Variants in FSTL5 observed in about 807,000 individuals in gnomAD.
FSTL5 encodes the protein follistatin-related protein 5.
A neutral mutation model predicts 89.1 loss-of-function variants in FSTL5; 62 were observed. The ratio of observed to expected loss-of-function variants is 0.70; its 90% CI spans 0.57 to 0.86. FSTL5 has a LOEUF of 0.86. FSTL5 is among the 40% of genes least tolerant of loss of function. The pLI is 0.00. For missense variants in FSTL5, 1,057 were observed against 1,001.6 expected (o/e 1.06, Z -0.75); for synonymous variants, 383 against 346.2 (o/e 1.11, Z -1.18).
intron 11 of FSTL5, among the ~76,000 whole-genome samples, chr4:161,504,933 A>G (rs1351141212): frequency 1.3e-5 from 2 of 152,074 alleles, no homozygotes; most frequent in Non-Finnish European, 2.9e-5. Context: ...GTGCATCATA[A>G]AAAAGATTTT....
chr4:162,084,121 T>C (rs1730211703), intron 2 of FSTL5, among the ~76,000 whole-genome samples: 1 of 151,868 alleles, frequency 6.6e-6, no homozygotes, highest in Non-Finnish European at 1.5e-5. Flanking sequence ...TAAATAAAAT[T>C]GTAGCCCTTT....
intron 4 of FSTL5, among the ~76,000 whole-genome samples, chr4:161,899,331 C>T (rs1733276207): frequency 6.6e-6 from 1 of 152,174 alleles, no homozygotes; most frequent in South Asian, 2.1e-4. Context: ...AGGACACATT[C>T]ATAGGATATT....
At chr4:161,996,499 C>T (rs920400434) in intron 3 of FSTL5, among the ~76,000 whole-genome samples, 19 of 152,180 alleles carry the variant, frequency 1.2e-4, no homozygotes, top group Non-Finnish European at 2.2e-4. Context: ...TTTAGGCATC[C>T]GTATTTCTCA....
chr4:161,777,643 T>A (rs571321180), intron 4 of FSTL5, among the ~76,000 whole-genome samples: 1 of 152,192 alleles, frequency 6.6e-6, no homozygotes, highest in Non-Finnish European at 1.5e-5. Context: ...ATTTGCACTT[T>A]TTATTTTTAA....
chr4:162,067,204 C>A (rs978332180), intron 2 of FSTL5, among the ~76,000 whole-genome samples: 4 of 151,936 alleles, frequency 2.6e-5, no homozygotes, highest in African/African-American at 9.7e-5. Flanking sequence ...CAAGGCCATG[C>A]CCCCACACCC....
intron 7 of FSTL5, 152 bp downstream of exon 7, chr4:161,656,176 C>A (rs990686144): frequency 7.1e-6 from 3 of 424,984 alleles, no homozygotes; most frequent in Admixed American, 4.3e-5. Flanking sequence ...ACCTATAGTG[C>A]ACCTCTCATT....
At chr4:161,611,331 T>G (rs1734642385) in intron 7 of FSTL5, among the ~76,000 whole-genome samples, 1 of 149,494 alleles carries the variant, frequency 6.7e-6, no homozygotes, top group African/African-American at 2.4e-5. Flanking sequence ...GCCTGCAATT[T>G]TACATTAATT....
rs112238780 is a variant in FSTL5, at chr4:161,894,026, T to A, written c.409+26378A>T. 1.4e-3 allele frequency among the ~76,000 whole-genome samples: 220 copies of A among 152,328 alleles called. 1 individual carries two copies. The highest frequency in any genetic ancestry group is 4.3e-3 in the African/African-American group (180 of 41,584). On this transcript the variant is annotated intron_variant, in intron 4 of 15. Transcript: ENST00000306100. Reference sequence around the variant, plus strand: ...ACATAGGTATGGTTTTTATCCAATTTATATAGGTTGTTTTATAAAATGATC... The same window carrying A: ...ACATAGGTATGGTTTTTATCCAATTAATATAGGTTGTTTTATAAAATGATC...
chr4:161,385,865 T>C lies in FSTL5; in HGVS notation c.2426A>G (p.Tyr809Cys). 6.2e-7 allele frequency: 1 copy of C among 1,613,814 alleles called. No homozygotes were observed. Among genetic ancestry groups the C allele is most frequent in the Non-Finnish European group, 8.5e-7 (1 of 1,179,878 alleles). The change falls in exon 16 of 16, where the codon TAC (tyrosine) becomes TGC (cysteine). Residue 809 changes from tyrosine (Y) to cysteine (C), a missense_variant. Around this residue, in one of 3 missense-constraint regions of FSTL5, gnomAD observed 68 missense variants for 73.3 expected, o/e 0.93. Transcript: ENST00000306100. ...AGAGTCCTTGGAAGGTGTCATCAGG[T>C]ATTGACCAAACAAGCCACTGTCCTG... ...QIQDSGLFGQ[Y>C]LMTPSKDSLF...
At chr4:161,791,163 G>GA (rs1159185983) in intron 4 of FSTL5, among the ~76,000 whole-genome samples, 6 of 151,096 alleles carry the variant, frequency 4.0e-5, no homozygotes, top group African/African-American at 1.5e-4. Flanking sequence ...AAGCATTTGA[G>GA]AAGTCCAAAG....
intron 8 of FSTL5, among the ~76,000 whole-genome samples, chr4:161,569,865 T>A (rs1296250707): frequency 1.3e-5 from 2 of 151,988 alleles, no homozygotes; most frequent in Admixed American, 1.3e-4. Flanking sequence ...TGAAGAAATG[T>A]TTTAGTTGTC....
intron 10 of FSTL5, among the ~76,000 whole-genome samples, chr4:161,527,226 T>C (rs1203038343): frequency 6.6e-6 from 1 of 152,208 alleles, no homozygotes; most frequent in Non-Finnish European, 1.5e-5. Flanking sequence ...AGTTCACTCA[T>C]GATTTAGCTC....
intron 6 of FSTL5, among the ~76,000 whole-genome samples, chr4:161,678,711 T>C (rs1426005951): frequency 1.3e-5 from 2 of 151,710 alleles, no homozygotes; most frequent in African/African-American, 2.4e-5. Context: ...TTAATTTAGA[T>C]AAATGTAAGG....
chr4:161,524,213 A>C (rs895215039), intron 10 of FSTL5, among the ~76,000 whole-genome samples: 5 of 152,144 alleles, frequency 3.3e-5, no homozygotes, highest in Admixed American at 3.3e-4. Context: ...CTCAACCAAC[A>C]ACCAGAAAAT....
intron 2 of FSTL5, among the ~76,000 whole-genome samples, chr4:162,109,026 A>T (rs1412725124): frequency 6.6e-6 from 1 of 152,042 alleles, no homozygotes; most frequent in Non-Finnish European, 1.5e-5. Context: ...GATGAAAACA[A>T]ATCAAAGAAA....
chr4:161,541,331 T>G (rs560845572), intron 9 of FSTL5, among the ~76,000 whole-genome samples: 1 of 152,130 alleles, frequency 6.6e-6, no homozygotes, highest in African/African-American at 2.4e-5. Context: ...TTTGTTGTCA[T>G]GTATATTCCT....
intron 15 of FSTL5, among the ~76,000 whole-genome samples, chr4:161,399,394 A>C (rs1731105581): frequency 6.6e-6 from 1 of 152,150 alleles, no homozygotes; most frequent in South Asian, 2.1e-4. Context: ...GAGGAAAGAA[A>C]ATGTTATTTA....
At chr4:161,390,522 A>C (rs1031793165) in intron 15 of FSTL5, among the ~76,000 whole-genome samples, 13 of 152,120 alleles carry the variant, frequency 8.5e-5, no homozygotes, top group African/African-American at 3.1e-4. Flanking sequence ...ATGGTTTCCC[A>C]AGTCCTTTAC....
chr4:161,483,988 A>C (rs2032774672), intron 12 of FSTL5, among the ~76,000 whole-genome samples: 1 of 152,122 alleles, frequency 6.6e-6, no homozygotes, highest in South Asian at 2.1e-4. Flanking sequence ...ATTTAATCAC[A>C]TATTTCCTAC....
Sources: gnomAD v4.1 joint callset for allele counts (sites outside exome capture counted in the v4.1 genomes callset) on GRCh38, gnomAD v4.1.1 for gene constraint, gnomAD v4.1.1 regional missense constraint, MANE v1.5 for transcripts, NCBI Gene and HGNC (gene_info 2026-07-23, HGNC 2026-07-21) for gene names.